The following IL12B variants were observed in gnomAD, a reference collection of about 807,000 sequenced individuals.
IL12B encodes the protein interleukin-12 subunit beta.
Under a neutral mutation model 39.2 loss-of-function variants are expected in IL12B, and 27 were observed. The ratio of observed to expected loss-of-function variants is 0.69; its 90% CI spans 0.51 to 0.95. The LOEUF (loss-of-function observed/expected upper bound fraction) is 0.95. Among genes scored for constraint, IL12B ranks in the 40% least tolerant of loss-of-function variants. The probability of loss-of-function intolerance (pLI) is 0.00; values close to 1 mark genes in which losing one functional copy is unlikely to be tolerated. For missense variants in IL12B, 351 were observed against 397.6 expected, an observed-to-expected ratio of 0.88 and a Z score of 1.00; for synonymous variants, 142 against 152.1, an observed-to-expected ratio of 0.93 and a Z score of 0.49.
intron 1 of IL12B, among the ~76,000 whole-genome samples, chr5:159,327,335 C>G (rs1427257528): frequency 1.3e-5 from 2 of 152,202 alleles, no homozygotes; most frequent in African/African-American, 4.8e-5. Flanking sequence ...ACATTTGTAT[C>G]ACTGCAGCAC....
chr5:159,320,614 G>T (rs761749717), intron 4 of IL12B, 94 bp from the exon 5 acceptor site: 118 of 1,005,782 alleles, frequency 1.2e-4, no homozygotes, highest in Non-Finnish European at 1.7e-4. Flanking sequence ...CTCAACTGTT[G>T]TCTGAGGACA....
chr5:159,330,055 A>G lies in IL12B; in HGVS notation c.-1+377T>C, dbSNP rs146549396. On this transcript the variant is annotated intron_variant, in intron 1 of 7. Coordinates refer to ENST00000231228, the MANE Select transcript of IL12B (RefSeq NM_002187.3). ...CACGAAAGGCTTTTTAAAAATTTCA[A>G]TAGTAAGGCAGGCACCACTCACTTT... 9.2e-5 allele frequency among the ~76,000 whole-genome samples: 14 copies of G among 152,324 alleles called. No homozygotes were observed. In the East Asian group the frequency reaches 2.3e-3, roughly 25 times the overall value.
At chr5:159,322,356 C>T (rs746108578) in intron 4 of IL12B, 38 bp downstream of exon 4, 3 of 1,259,646 alleles carry the variant, frequency 2.4e-6, no homozygotes, top group Admixed American at 1.7e-5. Flanking sequence ...TGAAATAGTT[C>T]TAGAAAAATG....
chr5:159,318,405 A>G (rs1487809247), intron 6 of IL12B, among the ~76,000 whole-genome samples: 2 of 152,190 alleles, frequency 1.3e-5, no homozygotes, highest in African/African-American at 4.8e-5. Context: ...TATTTTTGCT[A>G]TATCTTTTCT....
At chr5:159,318,964 C>G in intron 5 of IL12B, 71 bp from the exon 6 acceptor site, 1 of 1,291,832 alleles carries the variant, frequency 7.7e-7, no homozygotes, top group Non-Finnish European at 1.1e-6. Flanking sequence ...GGCTTATGAT[C>G]TCACTTGCAC....
Position 159,322,795 on chromosome 5 carries a change from C to G in IL12B, c.364+259G>C, listed in dbSNP as rs376342516. On this transcript the variant is annotated intron_variant, in intron 3 of 7. Transcript: ENST00000231228. ...TTCCATTAGCCATTAAATAATATCA[C>G]CATTATTTAAAGAAAACATGAGGCT... is the stretch of plus-strand genomic sequence containing the variant. Among the ~76,000 whole-genome samples, 10 of 152,218 alleles carry G rather than the reference C, an allele frequency of 6.6e-5. No homozygotes were observed. The South Asian group carries it at 1.5e-3, about 22-fold the overall frequency.
chr5:159,328,944 T>C (rs1437502779), intron 1 of IL12B, among the ~76,000 whole-genome samples: 2 of 152,204 alleles, frequency 1.3e-5, no homozygotes, highest in Non-Finnish European at 2.9e-5. Flanking sequence ...CAGCTGATAC[T>C]AGGGAGCGCT....
At chr5:159,326,903 G>T in intron 1 of IL12B, 121 bp from the exon 2 acceptor site, 1 of 719,864 alleles carries the variant, frequency 1.4e-6, no homozygotes, top group Non-Finnish European at 2.5e-6. Context: ...ACACATTCTA[G>T]CTACTTTTTT....
chr5:159,320,218 C>T lies in IL12B; in HGVS notation c.697+88G>A, dbSNP rs112385698. ...GAATAAAAGAGATGATGCTTGTCAA[C>T]CACCTACCCCACAGTGCATGGGGCA... is the stretch of plus-strand genomic sequence containing the variant. On this transcript the variant is annotated intron_variant, in intron 5 of 7. Transcript: ENST00000231228. The T allele has an allele frequency of 3.5e-6, 4 of 1,127,240 alleles. No individual in the cohort carries two copies. The African/African-American group carries it at 6.1e-5, about 17-fold the overall frequency. 69.8% of individuals were successfully genotyped at this position (1,127,240 alleles called of 1,614,324 possible).
intron 4 of IL12B, among the ~76,000 whole-genome samples, chr5:159,321,113 C>T (rs1344073640): frequency 2.6e-5 from 4 of 151,968 alleles, no homozygotes; most frequent in Admixed American, 2.6e-4. Flanking sequence ...GATCCCCTCC[C>T]TCTGCCTCCC....
intron 4 of IL12B, among the ~76,000 whole-genome samples, chr5:159,320,992 C>T (rs1754077717): frequency 7.3e-6 from 1 of 137,854 alleles, no homozygotes; most frequent in African/African-American, 2.8e-5. Context: ...TTTTCTTTCT[C>T]TCTCTCTCTC....
rs376252390 is a variant in IL12B at position 159,318,908 on chromosome 5, A to G, written c.698-15T>C. The G allele has an allele frequency of 6.2e-7, 1 of 1,611,744 alleles. No individual in the cohort carries two copies. The highest frequency in any genetic ancestry group is 8.5e-7 in the Non-Finnish European group (1 of 1,178,318). On this transcript the variant is annotated splice_polypyrimidine_tract_variant and intron_variant, in intron 5 of 7. Transcript: ENST00000231228. ...GTCAGGTTTGACTGTGGAAGAGGAT[A>G]AACATGCTTTATTTTCCTAATAAGG...
rs780789325 is a variant in IL12B, at chr5:159,316,771, G to A, written c.901C>T (p.Arg301Cys). Residue 301 changes from arginine (R) to cysteine (C), a missense_variant, in exon 7 of 8, where the codon CGC becomes TGC. Coordinates refer to ENST00000231228, the MANE Select transcript of IL12B (RefSeq NM_002187.3). ...CGCACGCTAATGCTGGCATTTTTGC[G>A]GCAGATGACCGTGGCTGAGGTCTTG... is the stretch of plus-strand genomic sequence containing the variant. ...TDKTSATVIC[R>C]KNASISVRAQ... 7 of 1,613,962 alleles carry A rather than the reference G, an allele frequency of 4.3e-6. No homozygotes were observed. Among genetic ancestry groups the A allele is most frequent in the Non-Finnish European group, 5.9e-6 (7 of 1,179,996 alleles).
At chr5:159,324,561 C>G (rs111330959) in intron 2 of IL12B, among the ~76,000 whole-genome samples, 1 of 152,296 alleles carries the variant, frequency 6.6e-6, no homozygotes, top group African/African-American at 2.4e-5. Context: ...GATGCCTGCT[C>G]AAGTTTATGA....
chr5:159,324,691 G>A (rs1487327480), intron 2 of IL12B, among the ~76,000 whole-genome samples: 2 of 152,236 alleles, frequency 1.3e-5, no homozygotes, highest in East Asian at 1.9e-4. Context: ...AAGCCTCAGT[G>A]TCATCATCTT....
At chr5:159,317,563 G>T (rs1384503362) in intron 6 of IL12B, among the ~76,000 whole-genome samples, 2 of 152,184 alleles carry the variant, frequency 1.3e-5, no homozygotes, top group Non-Finnish European at 2.9e-5. Context: ...GCTTTGTCCA[G>T]TGATTTTAAA....
intron 4 of IL12B, 62 bp downstream of exon 4, chr5:159,322,332 C>T: frequency 9.4e-7 from 1 of 1,068,130 alleles, no homozygotes; most frequent in Non-Finnish European, 1.5e-6. Context: ...GAGAGGTTGC[C>T]CTTAATTTCT....
intron 3 of IL12B, 84 bp from the exon 4 acceptor site, chr5:159,322,595 T>C (rs1479693014): frequency 2.3e-6 from 2 of 886,020 alleles, no homozygotes; most frequent in Non-Finnish European, 3.8e-6. Flanking sequence ...GATCACCAGA[T>C]GGTACAGGGT....
intron 2 of IL12B, among the ~76,000 whole-genome samples, 176 bp downstream of exon 2, chr5:159,326,519 T>C (rs1240858185): frequency 6.6e-6 from 1 of 152,160 alleles, no homozygotes; most frequent in Non-Finnish European, 1.5e-5. Flanking sequence ...CCAAACAATA[T>C]AGATACCATC....
Sources: allele counts gnomAD v4.1 joint callset (sites outside exome capture counted in the v4.1 genomes callset), GRCh38; gene constraint gnomAD v4.1.1; transcripts MANE v1.5; gene names NCBI Gene and HGNC (gene_info 2026-07-23, HGNC 2026-07-21).